MOB3B: variants seen among roughly 807,000 people sequenced by gnomAD.
MOB3B encodes MOB kinase activator-like 2B.
MOB3B carries 7 observed loss-of-function variants against 18.7 expected under a neutral mutation model. That is an observed-to-expected ratio of 0.37 (90% CI 0.21 to 0.70). MOB3B has a LOEUF of 0.70. Ranked by LOEUF, MOB3B falls within the 30% of genes least tolerant of loss-of-function variation. The pLI is 0.52. For synonymous variants in MOB3B, 111 were observed against 99.9 expected (o/e 1.11, Z -0.66); for missense variants, 253 against 281.3 (o/e 0.90, Z 0.72).
At chr9:27,350,932 C>T (rs961100516) in intron 3 of MOB3B, among the ~76,000 whole-genome samples, 5 of 148,670 alleles carry the variant, frequency 3.4e-5, no homozygotes, top group East Asian at 2.0e-4. Flanking sequence ...GACGAAGTCT[C>T]GCTGTTGTGC....
chr9:27,385,512 C>G (rs550724820), intron 2 of MOB3B, among the ~76,000 whole-genome samples: 148 of 152,106 alleles, frequency 9.7e-4, no homozygotes, highest in Non-Finnish European at 1.2e-3. Flanking sequence ...CTCCTGCATA[C>G]CTGCCCTCTC....
intron 3 of MOB3B, among the ~76,000 whole-genome samples, chr9:27,355,389 G>A (rs1160437255): frequency 1.3e-5 from 2 of 152,156 alleles, no homozygotes; most frequent in African/African-American, 4.8e-5. Context: ...GACAAATGCT[G>A]CCCTTCTGGC....
At chr9:27,389,354 C>A (rs1416448086) in intron 2 of MOB3B, among the ~76,000 whole-genome samples, 2 of 148,746 alleles carry the variant, frequency 1.3e-5, no homozygotes, top group Non-Finnish European at 3.0e-5. Context: ...CCCTGCGACC[C>A]CACCGTTTCA....
At chr9:27,439,998 G>A (rs1822569235) in intron 2 of MOB3B, among the ~76,000 whole-genome samples, 1 of 152,144 alleles carries the variant, frequency 6.6e-6, no homozygotes, top group African/African-American at 2.4e-5. Flanking sequence ...AAAGCACCTA[G>A]TTAACCTACA....
rs1479782176 is a variant in MOB3B, at chr9:27,380,254, GAGAT to G, written c.419-21022_419-21019del. On this transcript the variant is annotated intron_variant, in intron 2 of 3. Transcript: ENST00000262244. Reference sequence around the variant, plus strand: ...TGGGGAGGGGCCAAGTGCAGAAAAAGAGATAGGATTTTTTTTTTTTTTTTTTTTT... The same window carrying G: ...TGGGGAGGGGCCAAGTGCAGAAAAAGAGGATTTTTTTTTTTTTTTTTTTTT... 2.1e-5 allele frequency among the ~76,000 whole-genome samples: 3 copies of G among 143,758 alleles called. No individual in the cohort carries two copies. The East Asian group carries it at 6.1e-4, about 29-fold the overall frequency. 94.3% of individuals were successfully genotyped at this position (143,758 alleles called of 152,430 possible). A position where few individuals can be genotyped will look rare whatever the true frequency, so the allele number is the denominator to read the frequency against.
chr9:27,429,467 A>C (rs1054536748), intron 2 of MOB3B, among the ~76,000 whole-genome samples: 8 of 152,254 alleles, frequency 5.3e-5, no homozygotes, highest in African/African-American at 1.9e-4. Flanking sequence ...AAAATATTCT[A>C]ATCACACTCA....
chr9:27,398,691 T>C (rs536009134), intron 2 of MOB3B, among the ~76,000 whole-genome samples: 8 of 152,306 alleles, frequency 5.3e-5, no homozygotes, highest in African/African-American at 1.9e-4. Context: ...ATGTCAGGGA[T>C]GCAGAAACCA....
At chr9:27,360,363 G>T (rs369886582) in intron 2 of MOB3B, among the ~76,000 whole-genome samples, 30 of 152,264 alleles carry the variant, frequency 2.0e-4, no homozygotes, top group African/African-American at 6.7e-4. Flanking sequence ...AAAATTAGCC[G>T]GGCATGTGGC....
At chr9:27,341,144 G>A (rs746174487) in intron 3 of MOB3B, among the ~76,000 whole-genome samples, 3 of 152,246 alleles carry the variant, frequency 2.0e-5, no homozygotes, top group Non-Finnish European at 2.9e-5. Context: ...ACTGGCCGGT[G>A]AAGCAGAGAG....
intron 1 of MOB3B, among the ~76,000 whole-genome samples, chr9:27,466,253 C>T (rs1332904542): frequency 6.6e-6 from 1 of 152,178 alleles, no homozygotes; most frequent in Non-Finnish European, 1.5e-5. Context: ...ATCTCTAGGG[C>T]CACCAGTCTC....
intron 2 of MOB3B, chr9:27,378,845 G>C: frequency 2.7e-6 from 1 of 375,924 alleles, no homozygotes; most frequent in East Asian, 7.3e-5. Context: ...AAGAGGAAAG[G>C]GAAAAGAAAA....
At chr9:27,342,930 G>C (rs531126441) in intron 3 of MOB3B, among the ~76,000 whole-genome samples, 4 of 148,616 alleles carry the variant, frequency 2.7e-5, no homozygotes, top group African/African-American at 1.0e-4. Flanking sequence ...GCCACCCATC[G>C]TCTGGGAAGT....
At chr9:27,422,032 T>C (rs1822261136) in intron 2 of MOB3B, among the ~76,000 whole-genome samples, 1 of 152,220 alleles carries the variant, frequency 6.6e-6, no homozygotes, top group African/African-American at 2.4e-5. Context: ...CCTCAGTAAG[T>C]GTCAAAACAG....
chr9:27,349,607 A>G (rs187454582), intron 3 of MOB3B, among the ~76,000 whole-genome samples: 1 of 152,292 alleles, frequency 6.6e-6, no homozygotes, highest in African/African-American at 2.4e-5. Context: ...TGTGACTGAC[A>G]TCCTGCAGCA....
chr9:27,521,329 A>T lies in MOB3B; in HGVS notation c.-199+8226T>A, dbSNP rs957421670. On this transcript the variant is annotated intron_variant, in intron 1 of 3. Coordinates refer to ENST00000262244, the MANE Select transcript of MOB3B (RefSeq NM_024761.5). ...GATGACAAAACTGTGCATGGCTGAAAATACAGGCAACTTCAAGACGAATGA... is the reference window on the plus strand; with the variant it reads ...GATGACAAAACTGTGCATGGCTGAATATACAGGCAACTTCAAGACGAATGA... Among the ~76,000 whole-genome samples the T allele has an allele frequency of 2.8e-4, 43 of 152,358 alleles. 1 individual carries two copies. The highest frequency in any genetic ancestry group is 1.0e-3 in the African/African-American group (42 of 41,592).
chr9:27,332,031 G>A (rs376098491), intron 3 of MOB3B, among the ~76,000 whole-genome samples: 13 of 152,234 alleles, frequency 8.5e-5, no homozygotes, highest in African/African-American at 3.1e-4. Flanking sequence ...ACAGGATCTT[G>A]CTGTTGCCCA....
intron 1 of MOB3B, among the ~76,000 whole-genome samples, chr9:27,520,726 C>A (rs938507743): frequency 6.6e-6 from 1 of 152,178 alleles, no homozygotes; most frequent in Non-Finnish European, 1.5e-5. Context: ...GAAATGCAAT[C>A]AAATGTAACT....
intron 1 of MOB3B, among the ~76,000 whole-genome samples, chr9:27,525,450 C>G (rs747966409): frequency 4.6e-5 from 7 of 152,078 alleles, no homozygotes; most frequent in Admixed American, 1.3e-4. Context: ...CCCTCCTGCT[C>G]GGGGGGAAAA....
At chr9:27,483,422 G>A (rs10967961) in intron 1 of MOB3B, among the ~76,000 whole-genome samples, 43,690 of 152,010 alleles carry the variant, frequency 0.29, 7,117 homozygotes, top group Non-Finnish European at 0.37. Context: ...GTGAGCCACC[G>A]CGCCCGGCCA....
Sources: gnomAD v4.1 joint callset for allele counts (sites outside exome capture counted in the v4.1 genomes callset) on GRCh38, gnomAD v4.1.1 for gene constraint, MANE v1.5 for transcripts, NCBI Gene and HGNC (gene_info 2026-07-23, HGNC 2026-07-21) for gene names.